Variants in SEC14L5 observed in about 807,000 individuals in gnomAD.
SEC14L5 encodes the protein SEC14-like protein 5.
SEC14L5 carries 96 observed loss-of-function variants against 84.6 expected under a neutral mutation model. The observed-to-expected ratio is 1.13, with a 90% CI of 0.96 to 1.34. SEC14L5 has a LOEUF of 1.34. Among genes scored for constraint, SEC14L5 ranks in the 40% most tolerant of loss-of-function variants. SEC14L5 has a pLI of 0.00. For synonymous variants in SEC14L5, 546 were observed against 383.4 expected (o/e 1.42, Z -4.95); for missense variants, 1,224 against 942.5 (o/e 1.30, Z -3.91).
At position 5,011,075 on chromosome 16, in the gene SEC14L5, G is replaced by A. The variant is rs772393973; in HGVS notation, c.1801-20G>A. ...CCTCTGGAGGGCGCAGGGCCTCAGG[G>A]CAGGGCTGATGTGTTTCAGGGCTCC... On this transcript the variant is annotated intron_variant, in intron 14 of 15. Transcript: ENST00000251170. 2 of 1,576,468 alleles carry A rather than the reference G, an allele frequency of 1.3e-6. No individual in the cohort carries two copies. The highest frequency in any genetic ancestry group is 1.7e-6 in the Non-Finnish European group (2 of 1,161,670).
intron 10 of SEC14L5, among the ~76,000 whole-genome samples, chr16:5,002,537 G>C (rs550416037): frequency 7.9e-5 from 12 of 152,092 alleles, no homozygotes; most frequent in African/African-American, 2.9e-4. Flanking sequence ...CTAAGGACAC[G>C]TATGTTGGGG....
intron 4 of SEC14L5, among the ~76,000 whole-genome samples, 192 bp from the exon 5 acceptor site, chr16:4,990,575 C>T (rs1368900176): frequency 1.3e-5 from 2 of 152,196 alleles, no homozygotes; most frequent in African/African-American, 4.8e-5. Flanking sequence ...GCTTTTTGTT[C>T]CCTGACAGTT....
At chr16:4,967,896 C>T (rs1955224690) in intron 2 of SEC14L5, among the ~76,000 whole-genome samples, 1 of 150,794 alleles carries the variant, frequency 6.6e-6, no homozygotes, top group Admixed American at 6.6e-5. Flanking sequence ...CGTGACCACA[C>T]CTGGCCTCCT....
intron 8 of SEC14L5, among the ~76,000 whole-genome samples, chr16:4,998,161 A>C (rs1177005600): frequency 6.6e-6 from 1 of 151,460 alleles, no homozygotes; most frequent in Non-Finnish European, 1.5e-5. Context: ...GTGCACCACC[A>C]TGCTTGGCTA....
chr16:4,972,643 G>A (rs1477411562), intron 2 of SEC14L5, among the ~76,000 whole-genome samples: 8 of 152,244 alleles, frequency 5.3e-5, no homozygotes, highest in Non-Finnish European at 7.3e-5. Context: ...AGGTTCAGCC[G>A]TGTCGTGGCA....
rs1203180435 is a variant in SEC14L5 at position 5,015,950 on chromosome 16, C to T, written c.*980C>T. The T allele has an allele frequency of 1.3e-5, 2 of 152,198 alleles. No individual in the cohort carries two copies. Among genetic ancestry groups the T allele is most frequent in the African/African-American group, 4.8e-5 (2 of 41,432 alleles). The allele number at this position is 152,198 out of a possible 1,614,324, so 9.4% of individuals were successfully genotyped here. Reference sequence around the variant, plus strand: ...GGGTGACTGAGGCTGTCTGTATACCCCACTGGAGATGCCTTTCTCTCCTAG... The same window carrying T: ...GGGTGACTGAGGCTGTCTGTATACCTCACTGGAGATGCCTTTCTCTCCTAG... On this transcript the variant is annotated 3_prime_UTR_variant, in exon 16 of 16. Coordinates refer to ENST00000251170, the MANE Select transcript of SEC14L5 (RefSeq NM_014692.2).
chr16:4,971,593 C>T (rs754283489), intron 2 of SEC14L5, among the ~76,000 whole-genome samples: 2 of 152,340 alleles, frequency 1.3e-5, no homozygotes, highest in South Asian at 2.1e-4. Context: ...GGGAGTTACT[C>T]ATTTATTCAC....
chr16:5,010,065 G>C (rs116258459), intron 14 of SEC14L5, among the ~76,000 whole-genome samples: 5 of 151,880 alleles, frequency 3.3e-5, no homozygotes, highest in African/African-American at 9.7e-5. Flanking sequence ...GTCTTGGGCC[G>C]GGTGCGGTGG....
intron 6 of SEC14L5, among the ~76,000 whole-genome samples, chr16:4,995,537 C>T (rs1227432084): frequency 6.6e-6 from 1 of 152,152 alleles, no homozygotes; most frequent in East Asian, 1.9e-4. Flanking sequence ...TATCAGCCAC[C>T]TCCTTTGTGC....
chr16:4,964,012 G>A (rs1209138140), intron 2 of SEC14L5, among the ~76,000 whole-genome samples: 2 of 152,128 alleles, frequency 1.3e-5, no homozygotes, highest in Admixed American at 6.6e-5. Context: ...ATAGCATTCC[G>A]TATCATTGGG....
chr16:5,000,910 T>C lies in SEC14L5; in HGVS notation c.1115T>C (p.Leu372Pro). 1 of 1,607,722 alleles carries C rather than the reference T, an allele frequency of 6.2e-7. No individual in the cohort carries two copies. The highest frequency in any genetic ancestry group is 8.5e-7 in the Non-Finnish European group (1 of 1,177,346). The stretch of plus-strand genomic sequence containing the variant: ...CGGTGTGAGGGGAGCACAAGGCAGC[T>C]GGGCCGTCCCATCAGGCAAACACCT... ...QKRCEGSTRQ[L>P]GRPISSWTCL... Residue 372 changes from leucine to proline, a missense_variant, in exon 10 of 16, where the codon CTG becomes CCG. Transcript: ENST00000251170.
chr16:4,976,306 C>G (rs577352372), intron 2 of SEC14L5, among the ~76,000 whole-genome samples: 2 of 152,272 alleles, frequency 1.3e-5, no homozygotes, highest in South Asian at 4.2e-4. Context: ...AGATCCCAAC[C>G]CAGGCCCCAG....
intron 14 of SEC14L5, among the ~76,000 whole-genome samples, chr16:5,010,503 C>G (rs1165666819): frequency 1.3e-5 from 2 of 152,174 alleles, no homozygotes; most frequent in East Asian, 3.9e-4. Context: ...CGAAATGACA[C>G]ATGCACACAC....
intron 2 of SEC14L5, among the ~76,000 whole-genome samples, chr16:4,980,762 G>A (rs568810303): frequency 1.5e-4 from 23 of 152,252 alleles, no homozygotes; most frequent in African/African-American, 5.3e-4. Flanking sequence ...GCCTAGGAGG[G>A]GGAAGGGAGG....
chr16:5,005,461 C>G (rs908695035), intron 11 of SEC14L5, among the ~76,000 whole-genome samples: 9 of 152,068 alleles, frequency 5.9e-5, no homozygotes, highest in African/African-American at 2.2e-4. Context: ...ATGAACATGT[C>G]TAGGTAGAGG....
At chr16:4,981,497 G>A (rs1037709656) in intron 2 of SEC14L5, among the ~76,000 whole-genome samples, 7 of 152,200 alleles carry the variant, frequency 4.6e-5, no homozygotes, top group African/African-American at 1.7e-4. Context: ...GAAGGAAGGG[G>A]AGAAGGTCAG....
At chr16:4,961,672 A>C (rs927447593) in intron 2 of SEC14L5, among the ~76,000 whole-genome samples, 2 of 152,150 alleles carry the variant, frequency 1.3e-5, no homozygotes, top group African/African-American at 2.4e-5. Context: ...GGCATGGCTT[A>C]TTTTCAAGTG....
chr16:5,006,279 A>T (rs1955731370), intron 12 of SEC14L5, among the ~76,000 whole-genome samples: 2 of 152,232 alleles, frequency 1.3e-5, no homozygotes, highest in African/African-American at 4.8e-5. Context: ...GGGTCCTTCA[A>T]ACATAGTGAG....
intron 10 of SEC14L5, 143 bp from the exon 11 acceptor site, chr16:5,003,259 C>T (rs569145100): frequency 4.7e-6 from 3 of 643,476 alleles, no homozygotes; most frequent in Non-Finnish European, 8.1e-6. Context: ...CTCTTCATCG[C>T]ATGGGCTCCC....
Sources: gnomAD v4.1 joint callset for allele counts (sites outside exome capture counted in the v4.1 genomes callset) on GRCh38, gnomAD v4.1.1 for gene constraint, MANE v1.5 for transcripts, NCBI Gene and HGNC (gene_info 2026-07-23, HGNC 2026-07-21) for gene names.